SMURF2: variants seen among roughly 807,000 people sequenced by gnomAD.
The protein encoded by SMURF2 is E3 ubiquitin-protein ligase SMURF2.
Under a neutral mutation model 109.6 loss-of-function variants are expected in SMURF2, and 48 were observed. The ratio of observed to expected loss-of-function variants is 0.44; its 90% CI spans 0.35 to 0.56. The LOEUF (loss-of-function observed/expected upper bound fraction) is 0.56, where lower values mean the gene tolerates loss of function less well. Among genes scored for constraint, SMURF2 ranks in the 20% least tolerant of loss-of-function variants. SMURF2 has a pLI of 0.01. For synonymous variants in SMURF2, 288 were observed against 317.1 expected (o/e 0.91, Z 0.97); for missense variants, 575 against 909.0 (o/e 0.63, Z 4.72).
intron 9 of SMURF2, among the ~76,000 whole-genome samples, chr17:64,576,576 A>C (rs1969493726): frequency 6.6e-6 from 1 of 152,076 alleles, no homozygotes; most frequent in African/African-American, 2.4e-5. Flanking sequence ...AGGCAGGAGA[A>C]TCACTTGAAC....
chr17:64,657,313 G>C (rs73333979), intron 1 of SMURF2, among the ~76,000 whole-genome samples: 284 of 152,224 alleles, frequency 1.9e-3, no homozygotes, highest in African/African-American at 6.5e-3. Flanking sequence ...ATTATACTGA[G>C]TCATGAATAA....
At chr17:64,597,807 A>T (rs1381337876) in intron 3 of SMURF2, among the ~76,000 whole-genome samples, 1 of 151,536 alleles carries the variant, frequency 6.6e-6, no homozygotes, top group Non-Finnish European at 1.5e-5. Flanking sequence ...TAAAAAAAGA[A>T]AACTGTGATG....
At chr17:64,570,408 C>G (rs141191157) in intron 10 of SMURF2, among the ~76,000 whole-genome samples, 1 of 152,310 alleles carries the variant, frequency 6.6e-6, no homozygotes, top group African/African-American at 2.4e-5. Flanking sequence ...CTATACCACT[C>G]TCAGTGTTTT....
chr17:64,546,011 G>A, intron 18 of SMURF2, 64 bp from the exon 19 acceptor site: 2 of 1,029,882 alleles, frequency 1.9e-6, no homozygotes, highest in Non-Finnish European at 3.1e-6. Flanking sequence ...CCTAGCAAGT[G>A]TATACCAGTA....
At position 64,545,636 on chromosome 17, in the gene SMURF2, C is replaced by T. The variant is rs967772936; in HGVS notation, c.*212G>A. ...TTTAAATAGCAGCTGAATGTGGCCT[C>T]ATGGCAAAGCATAAAGACCTTTTTT... On this transcript the variant is annotated 3_prime_UTR_variant, in exon 19 of 19. Coordinates refer to ENST00000262435, the MANE Select transcript of SMURF2 (RefSeq NM_022739.4). 7 of 394,782 alleles carry T rather than the reference C, an allele frequency of 1.8e-5. No individual in the cohort carries two copies. Among genetic ancestry groups the T allele is most frequent in the Admixed American group, 1.7e-4 (4 of 23,736 alleles). The allele number at this position is 394,782 out of a possible 1,614,324, so 24.5% of individuals were successfully genotyped here. A position where few individuals can be genotyped will look rare whatever the true frequency, so the allele number is the denominator to read the frequency against.
intron 11 of SMURF2, among the ~76,000 whole-genome samples, chr17:64,561,872 C>T (rs576970565): frequency 5.9e-5 from 9 of 152,208 alleles, no homozygotes; most frequent in African/African-American, 2.2e-4. Flanking sequence ...TGGTGGCATG[C>T]ACCTGTAGTC....
intron 1 of SMURF2, among the ~76,000 whole-genome samples, chr17:64,636,676 G>A (rs1970421251): frequency 6.6e-6 from 1 of 150,908 alleles, no homozygotes; most frequent in African/African-American, 2.4e-5. Flanking sequence ...CTACTCAGGA[G>A]GCTGAGGCAG....
intron 5 of SMURF2, among the ~76,000 whole-genome samples, chr17:64,586,664 T>A (rs562999630): frequency 7.0e-6 from 1 of 143,640 alleles, no homozygotes; most frequent in East Asian, 2.1e-4. Flanking sequence ...GGCAGGAGAA[T>A]CGCTTGAACC....
At chr17:64,567,229 CA>C (rs1199951902) in intron 10 of SMURF2, among the ~76,000 whole-genome samples, 2 of 152,088 alleles carry the variant, frequency 1.3e-5, no homozygotes, top group African/African-American at 4.8e-5. Flanking sequence ...TACTAAAATA[CA>C]AAAATGTTCA....
In SMURF2 at chr17:64,591,108, CATT is replaced by C. The variant is rs1375975343; in HGVS notation, c.373_375del (p.Asn125del). 2.5e-6 allele frequency: 4 copies of C among 1,613,086 alleles called. No homozygotes were observed. The highest frequency in any genetic ancestry group is 3.4e-6 in the Non-Finnish European group (4 of 1,179,604). The stretch of plus-strand genomic sequence containing the variant: ...CCTACTATCTGTCCTCTAACTGTAT[CATT>C]GTCATTTGGCCCGAGTTTGCATAAA... On this transcript the variant is annotated inframe_deletion, in exon 5 of 19. Coordinates refer to ENST00000262435, the MANE Select transcript of SMURF2 (RefSeq NM_022739.4).
chr17:64,623,025 G>A (rs1970225119), intron 1 of SMURF2, among the ~76,000 whole-genome samples: 1 of 152,048 alleles, frequency 6.6e-6, no homozygotes, highest in Admixed American at 6.6e-5. Context: ...TGGCCATTGG[G>A]AGCTCTTTCC....
At chr17:64,598,833 T>C (rs1555688319) in intron 2 of SMURF2, among the ~76,000 whole-genome samples, 1 of 152,226 alleles carries the variant, frequency 6.6e-6, no homozygotes, top group Non-Finnish European at 1.5e-5. Context: ...TAACCATTCA[T>C]GGCTTTTTCT....
At chr17:64,619,504 G>GAAAAAAAAA (rs1970173874) in intron 1 of SMURF2, among the ~76,000 whole-genome samples, 1 of 118,118 alleles carries the variant, frequency 8.5e-6, no homozygotes, top group Non-Finnish European at 1.7e-5. Flanking sequence ...AAAAAAAAAA[G>GAAAAAAAAA]AAGAAGAATA....
chr17:64,653,192 T>C (rs1188301605), intron 1 of SMURF2, among the ~76,000 whole-genome samples: 1 of 152,056 alleles, frequency 6.6e-6, no homozygotes, highest in Non-Finnish European at 1.5e-5. Context: ...ACATAAAGAA[T>C]TCTCAAAACT....
At chr17:64,653,815 T>C (rs916994079) in intron 1 of SMURF2, among the ~76,000 whole-genome samples, 1 of 152,182 alleles carries the variant, frequency 6.6e-6, no homozygotes, top group African/African-American at 2.4e-5. Flanking sequence ...TTATTCGTAA[T>C]GGCCAAAAAC....
intron 1 of SMURF2, among the ~76,000 whole-genome samples, chr17:64,621,660 T>G (rs1970204455): frequency 1.3e-5 from 2 of 148,378 alleles, no homozygotes; most frequent in Non-Finnish European, 3.0e-5. Context: ...TGGATCACAA[T>G]GTCAGGAGTT....
At chr17:64,572,100 TC>T in intron 9 of SMURF2, 144 bp from the exon 10 acceptor site, 1 of 710,164 alleles carries the variant, frequency 1.4e-6, no homozygotes, top group Non-Finnish European at 2.1e-6. Flanking sequence ...AATCTTTAAT[TC>T]CCAATGGTTT....
intron 1 of SMURF2, among the ~76,000 whole-genome samples, chr17:64,627,758 C>G (rs1970287029): frequency 6.6e-6 from 1 of 152,096 alleles, no homozygotes; most frequent in South Asian, 2.1e-4. Context: ...TGCTATAGAC[C>G]ATCTCCAGCC....
intron 1 of SMURF2, among the ~76,000 whole-genome samples, chr17:64,617,750 T>C (rs1232607642): frequency 3.9e-5 from 6 of 152,176 alleles, no homozygotes; most frequent in African/African-American, 7.2e-5. Context: ...ATTACAGGCA[T>C]GAGCCACTGC....
Sources: allele counts gnomAD v4.1 joint callset (sites outside exome capture counted in the v4.1 genomes callset), GRCh38; gene constraint gnomAD v4.1.1; transcripts MANE v1.5; gene names NCBI Gene and HGNC (gene_info 2026-07-23, HGNC 2026-07-21).